The following CTNNA1 variants were observed in gnomAD, a reference collection of about 807,000 sequenced individuals.
CTNNA1 encodes the protein catenin alpha-1.
A neutral mutation model predicts 98.4 loss-of-function variants in CTNNA1; 37 were observed. The observed-to-expected ratio is 0.38, with a 90% CI of 0.29 to 0.49. The LOEUF (loss-of-function observed/expected upper bound fraction) is 0.49. Among genes scored for constraint, CTNNA1 ranks in the 20% least tolerant of loss-of-function variants. The pLI is 0.95. For missense variants in CTNNA1, 761 were observed against 1,147.2 expected, an observed-to-expected ratio of 0.66 and a Z score of 4.86; for synonymous variants, 404 against 413.2, an observed-to-expected ratio of 0.98 and a Z score of 0.27.
intron 5 of CTNNA1, among the ~76,000 whole-genome samples, chr5:138,821,049 T>C (rs1759989261): frequency 6.6e-6 from 1 of 152,212 alleles, no homozygotes; most frequent in African/African-American, 2.4e-5. Context: ...TAAATATTTG[T>C]TTAACAACTG....
chr5:138,882,039 T>C (rs1037668288), intron 7 of CTNNA1, among the ~76,000 whole-genome samples: 1 of 152,238 alleles, frequency 6.6e-6, no homozygotes, highest in African/African-American at 2.4e-5. Flanking sequence ...TGAAGTCCTA[T>C]ATCTTTTAAA....
chr5:138,927,788 C>T lies in CTNNA1; in HGVS notation c.1900-1458C>T, dbSNP rs537380781. ...TTGGCAAGAACGGTTCTTGGGTCTGCGATGGGGTGCTGGGGAGGTAGAGAT... is the reference window on the plus strand; with the variant it reads ...TTGGCAAGAACGGTTCTTGGGTCTGTGATGGGGTGCTGGGGAGGTAGAGAT... On this transcript the variant is annotated intron_variant, in intron 13 of 17. Transcript: ENST00000302763. Among the ~76,000 whole-genome samples the T allele has an allele frequency of 1.6e-3, 247 of 152,148 alleles. 3 individuals carry two copies. Among genetic ancestry groups the T allele is most frequent in the Admixed American group, 4.9e-3 (75 of 15,280 alleles).
intron 3 of CTNNA1, among the ~76,000 whole-genome samples, chr5:138,794,669 G>A (rs1355743582): frequency 6.6e-6 from 1 of 152,220 alleles, no homozygotes; most frequent in Non-Finnish European, 1.5e-5. Context: ...ATATTGACAA[G>A]TGTGGAAAAC....
chr5:138,824,772 A>T lies in CTNNA1; in HGVS notation c.831A>T (p.Glu277Asp). Reference protein sequence around the residue: ...ASQHQGGGGGELAYALNNFDK... With the variant: ...ASQHQGGGGGDLAYALNNFDK... ...AGCACCAGGGTGGAGGAGGAGGAGA[A>T]CTGGCATATGCACTCAATAACTTTG... Residue 277 changes from glutamate to aspartate, a missense_variant, in exon 6 of 18, where the codon GAA becomes GAT. Glu to Asp is a conservative substitution (Grantham distance 45). Transcript: ENST00000302763. 1 of 1,614,222 alleles carries T rather than the reference A, an allele frequency of 6.2e-7. No individual in the cohort carries two copies. Among genetic ancestry groups the T allele is most frequent in the Non-Finnish European group, 8.5e-7 (1 of 1,180,030 alleles).
At chr5:138,928,205 T>C (rs1764541982) in intron 13 of CTNNA1, among the ~76,000 whole-genome samples, 1 of 152,216 alleles carries the variant, frequency 6.6e-6, no homozygotes, top group Non-Finnish European at 1.5e-5. Flanking sequence ...CCAGCTGTTC[T>C]GCCTGCTGCC....
intron 14 of CTNNA1, 93 bp downstream of exon 14, chr5:138,929,449 A>T (rs1764838516): frequency 1.5e-6 from 1 of 676,828 alleles, no homozygotes; most frequent in Admixed American, 2.3e-5. Flanking sequence ...AGTATTCAGA[A>T]CACCGTTTCT....
chr5:138,759,239 A>G (rs1455308011), intron 1 of CTNNA1, among the ~76,000 whole-genome samples: 1 of 152,114 alleles, frequency 6.6e-6, no homozygotes, highest in Non-Finnish European at 1.5e-5. Context: ...TAACTCTGAA[A>G]ATTGGACTCT....
intron 3 of CTNNA1, among the ~76,000 whole-genome samples, chr5:138,789,950 A>G (rs748143385): frequency 6.6e-6 from 1 of 152,104 alleles, no homozygotes; most frequent in Non-Finnish European, 1.5e-5. Flanking sequence ...AGAAACTGAA[A>G]TTTGTCTCTT....
At chr5:138,888,770 C>A (rs2150041041) in intron 9 of CTNNA1, among the ~76,000 whole-genome samples, 1 of 151,954 alleles carries the variant, frequency 6.6e-6, no homozygotes, top group African/African-American at 2.4e-5. Context: ...AAACTCCTGA[C>A]CTCAAGTGAT....
At chr5:138,835,789 G>C (rs933807673) in intron 7 of CTNNA1, among the ~76,000 whole-genome samples, 1 of 152,100 alleles carries the variant, frequency 6.6e-6, no homozygotes, top group Non-Finnish European at 1.5e-5. Flanking sequence ...TACTCTCTTA[G>C]CAAGTTTTCC....
At chr5:138,919,849 TA>T (rs1762542716) in intron 11 of CTNNA1, among the ~76,000 whole-genome samples, 1 of 152,138 alleles carries the variant, frequency 6.6e-6, no homozygotes, top group South Asian at 2.1e-4. Flanking sequence ...CTGATTTATG[TA>T]ATATGCGGAG....
chr5:138,906,841 C>T (rs1406396649), intron 10 of CTNNA1, among the ~76,000 whole-genome samples: 1 of 152,150 alleles, frequency 6.6e-6, no homozygotes, highest in Admixed American at 6.5e-5. Context: ...TACTCTTGCT[C>T]ACAAACTGCT....
intron 1 of CTNNA1, among the ~76,000 whole-genome samples, chr5:138,769,008 G>A (rs562085206): frequency 6.6e-6 from 1 of 152,136 alleles, no homozygotes; most frequent in South Asian, 2.1e-4. Flanking sequence ...GGTCATCCAG[G>A]ATATATACCA....
chr5:138,764,864 C>CTT, intron 1 of CTNNA1, among the ~76,000 whole-genome samples: 1 of 109,690 alleles, frequency 9.1e-6, no homozygotes, highest in Non-Finnish European at 1.9e-5. Context: ...TGCTGTATCT[C>CTT]TCTCTTTTTT....
At chr5:138,827,789 G>A in intron 7 of CTNNA1, 71 bp downstream of exon 7, 1 of 1,568,464 alleles carries the variant, frequency 6.4e-7, no homozygotes, top group Non-Finnish European at 8.7e-7. Flanking sequence ...TGTTGGATCT[G>A]AGATGTTTTC....
intron 7 of CTNNA1, among the ~76,000 whole-genome samples, chr5:138,846,632 G>C (rs1175333182): frequency 3.9e-5 from 6 of 152,034 alleles, no homozygotes; most frequent in Admixed American, 6.6e-5. Flanking sequence ...ATCCTATATT[G>C]TGTACACTGT....
chr5:138,797,404 C>T (rs1163780463), intron 3 of CTNNA1, among the ~76,000 whole-genome samples: 1 of 152,108 alleles, frequency 6.6e-6, no homozygotes, highest in African/African-American at 2.4e-5. Context: ...GATCTCCATT[C>T]TCACTGTGCA....
chr5:138,915,867 G>A (rs1761615852), intron 10 of CTNNA1, among the ~76,000 whole-genome samples: 1 of 152,092 alleles, frequency 6.6e-6, no homozygotes, highest in South Asian at 2.1e-4. Context: ...TGGCCAGCAT[G>A]GTGAAAACCC....
intron 5 of CTNNA1, among the ~76,000 whole-genome samples, chr5:138,815,847 C>T (rs975469796): frequency 1.3e-5 from 2 of 152,148 alleles, no homozygotes; most frequent in Admixed American, 6.5e-5. Flanking sequence ...TGTGTACCCC[C>T]GTTCACAAAA....
Sources: allele counts gnomAD v4.1 joint callset (sites outside exome capture counted in the v4.1 genomes callset), GRCh38; gene constraint gnomAD v4.1.1; transcripts MANE v1.5; gene names NCBI Gene and HGNC (gene_info 2026-07-23, HGNC 2026-07-21).